PTPRA: variants seen among roughly 807,000 people sequenced by gnomAD.
PTPRA encodes the protein receptor-type tyrosine-protein phosphatase alpha.
In PTPRA, 25 loss-of-function variants were observed where a neutral mutation model predicts 104.8. The ratio of observed to expected loss-of-function variants is 0.24; its 90% CI spans 0.17 to 0.33. The LOEUF is 0.33. Ranked by LOEUF, PTPRA falls within the 10% of genes least tolerant of loss-of-function variation. The pLI is 1.00. For missense variants in PTPRA, 765 were observed against 1,015.3 expected (o/e 0.75, Z 3.35); for synonymous variants, 323 against 368.9 (o/e 0.88, Z 1.43).
chr20:3,027,223 C>G, intron 19 of PTPRA, 26 bp downstream of exon 19: 10 of 1,599,986 alleles, frequency 6.3e-6, no homozygotes, highest in Non-Finnish European at 8.6e-6. Context: ...GACCCCTGAG[C>G]CCCCAACACC....
At chr20:2,910,589 G>A (rs6084197) in intron 1 of PTPRA, among the ~76,000 whole-genome samples, 1 of 57,994 alleles carries the variant, frequency 1.7e-5, no homozygotes, top group Non-Finnish European at 2.9e-5. Context: ...TTTTTTTTTT[G>A]TTTTTTTTTT....
intron 17 of PTPRA, among the ~76,000 whole-genome samples, chr20:3,025,688 G>A (rs1279189423): frequency 2.0e-5 from 3 of 150,588 alleles, no homozygotes; most frequent in African/African-American, 4.9e-5. Flanking sequence ...TGACCAACAC[G>A]GAGAAACTCT....
intron 2 of PTPRA, among the ~76,000 whole-genome samples, chr20:2,944,059 T>G (rs867437926): frequency 6.7e-6 from 1 of 150,016 alleles, no homozygotes. Flanking sequence ...TTTTTTTTTT[T>G]AGACAGGGTC....
Position 3,022,604 on chromosome 20 carries a change from A to G in PTPRA, c.1329-85A>G. 6.4e-7 allele frequency: 1 copy of G among 1,573,260 alleles called. No individual in the cohort carries two copies. The highest frequency in any genetic ancestry group is 8.7e-7 in the Non-Finnish European group (1 of 1,153,796). ...GAATTAGGATTTAGACCCTGAAGGA[A>G]GAGCCCCTGCCTGTGTTGCCCCTCC... On this transcript the variant is annotated intron_variant, in intron 15 of 23. Transcript: ENST00000399903. The surrounding 1 kb of genome is among the most constrained non-coding windows in gnomAD (Gnocchi z 4.6).
chr20:3,013,540 G>A (rs2064285220), intron 11 of PTPRA, among the ~76,000 whole-genome samples: 1 of 151,656 alleles, frequency 6.6e-6, no homozygotes, highest in Admixed American at 6.6e-5. Flanking sequence ...AGCCTCCCAA[G>A]TAGCTGAGAT....
At chr20:2,994,155 G>A (rs114974445) in intron 9 of PTPRA, among the ~76,000 whole-genome samples, 1,974 of 152,248 alleles carry the variant, frequency 0.013, 39 homozygotes, top group African/African-American at 0.043. Flanking sequence ...AGTTGCCATG[G>A]CAAATATCTG....
chr20:2,990,714 G>A lies in PTPRA; in HGVS notation c.738+2240G>A, dbSNP rs541806699. 2.3e-4 allele frequency among the ~76,000 whole-genome samples: 35 copies of A among 152,236 alleles called. 1 individual carries two copies. Among genetic ancestry groups the A allele is most frequent in the Admixed American group, 2.0e-3 (31 of 15,290 alleles). ...CCACTGCACCCCAGCCTGGACAACAGAGCCAGATCCTGTCTCAAGAAAAAA... is the reference window on the plus strand; with the variant it reads ...CCACTGCACCCCAGCCTGGACAACAAAGCCAGATCCTGTCTCAAGAAAAAA... On this transcript the variant is annotated intron_variant, in intron 9 of 23. Transcript: ENST00000399903.
intron 1 of PTPRA, among the ~76,000 whole-genome samples, chr20:2,915,201 C>T (rs1267079221): frequency 2.0e-5 from 3 of 152,172 alleles, no homozygotes; most frequent in Admixed American, 6.5e-5. Flanking sequence ...AAGTAATCCT[C>T]CCACCTCAGC....
chr20:3,007,685 C>A (rs2063938281), intron 11 of PTPRA, among the ~76,000 whole-genome samples: 1 of 152,070 alleles, frequency 6.6e-6, no homozygotes, highest in African/African-American at 2.4e-5. Context: ...GTCAGTGAAT[C>A]CTTTATTGAG....
Position 3,027,741 on chromosome 20 carries a change from A to G in PTPRA, c.1820A>G (p.Gln607Arg). ...YRQKDSYIAS[Q>R]GPLLHTIEDF... ...CAGAAGGACTCCTATATCGCCAGCC[A>G]GGGCCCTCTTCTCCACACAATTGAG... The change falls in exon 20 of 24, where the codon CAG (glutamine) becomes CGG (arginine). Residue 607 changes from glutamine (Q) to arginine (R), a missense_variant. Transcript: ENST00000399903. The G allele has an allele frequency of 1.2e-6, 2 of 1,614,142 alleles. No individual in the cohort carries two copies.
chr20:2,978,229 G>T (rs2062522836), intron 6 of PTPRA, among the ~76,000 whole-genome samples: 1 of 152,136 alleles, frequency 6.6e-6, no homozygotes, highest in Non-Finnish European at 1.5e-5. Context: ...ATATTCCAGA[G>T]GACTTAGGGG....
intron 20 of PTPRA, among the ~76,000 whole-genome samples, chr20:3,032,486 G>C (rs1209857985): frequency 6.6e-6 from 1 of 151,538 alleles, no homozygotes; most frequent in Admixed American, 6.6e-5. Context: ...GTTGGCTTTC[G>C]GCCGGGCGCG....
intron 9 of PTPRA, among the ~76,000 whole-genome samples, chr20:2,992,833 C>T (rs2063240528): frequency 6.6e-6 from 1 of 152,174 alleles, no homozygotes; most frequent in African/African-American, 2.4e-5. Context: ...TGGCTCATGC[C>T]TTTAATCCTC....
At chr20:2,994,105 C>A (rs565166955) in intron 9 of PTPRA, among the ~76,000 whole-genome samples, 43 of 152,318 alleles carry the variant, frequency 2.8e-4, no homozygotes, top group African/African-American at 1.0e-3. Flanking sequence ...AGGCCAGGAC[C>A]TAGCAGACCC....
intron 18 of PTPRA, 129 bp downstream of exon 18, chr20:3,026,909 C>A: frequency 1.0e-6 from 1 of 962,578 alleles, no homozygotes; most frequent in Non-Finnish European, 1.6e-6. Flanking sequence ...TCTTGTTGCA[C>A]CCACTTAACA....
At chr20:3,015,142 G>C (rs897088691) in intron 11 of PTPRA, among the ~76,000 whole-genome samples, 7 of 152,142 alleles carry the variant, frequency 4.6e-5, no homozygotes, top group African/African-American at 1.2e-4. Flanking sequence ...TTCCCAGAGT[G>C]AACCCAGCTT....
At chr20:2,876,821 G>C (rs1435821912) in intron 1 of PTPRA, among the ~76,000 whole-genome samples, 1 of 152,168 alleles carries the variant, frequency 6.6e-6, no homozygotes, top group African/African-American at 2.4e-5. Flanking sequence ...CTGGATAGAT[G>C]ATCTTTGGAG....
intron 3 of PTPRA, among the ~76,000 whole-genome samples, chr20:2,958,658 T>TGA (rs1219740019): frequency 1.6e-5 from 1 of 62,270 alleles, no homozygotes; most frequent in Non-Finnish European, 3.1e-5. Context: ...CCATCTCTAC[T>TGA]AAAAAAAAAA....
rs181788470 is a variant in PTPRA, at chr20:3,007,265, T to A, written c.830-79T>A. 2,523 of 1,366,840 alleles carry A rather than the reference T, an allele frequency of 1.8e-3. 3 individuals are homozygous for A. The highest frequency in any genetic ancestry group is 2.4e-3 in the Non-Finnish European group (2,324 of 958,560). The allele number at this position is 1,366,840 out of a possible 1,614,324, so 84.7% of individuals were successfully genotyped here. A position where few individuals can be genotyped will look rare whatever the true frequency, so the allele number is the denominator to read the frequency against. The stretch of plus-strand genomic sequence containing the variant: ...GAGTCTGTGCACATAGGCACAGATG[T>A]CTCAACTGTCCTGGTTGCGTCAGGT... On this transcript the variant is annotated intron_variant, in intron 10 of 23. Transcript: ENST00000399903.
Sources: allele counts gnomAD v4.1 joint callset (sites outside exome capture counted in the v4.1 genomes callset), GRCh38; gene constraint gnomAD v4.1.1; non-coding constraint Gnocchi (gnomAD v3.1); transcripts MANE v1.5; gene names NCBI Gene and HGNC (gene_info 2026-07-23, HGNC 2026-07-21).